CDH2: variants seen among roughly 807,000 people sequenced by gnomAD.
CDH2 encodes cadherin 2.
Under a neutral mutation model 92.0 loss-of-function variants are expected in CDH2, and 17 were observed. The ratio of observed to expected loss-of-function variants is 0.18; its 90% CI spans 0.13 to 0.28. The LOEUF (loss-of-function observed/expected upper bound fraction) is 0.28. Among genes scored for constraint, CDH2 ranks in the 10% least tolerant of loss-of-function variants. CDH2 has a pLI of 1.00. For missense variants in CDH2, 862 were observed against 1,133.1 expected, an observed-to-expected ratio of 0.76 and a Z score of 3.44; for synonymous variants, 419 against 415.9, an observed-to-expected ratio of 1.01 and a Z score of -0.09.
downstream of CDH2, among the ~76,000 whole-genome samples, chr18:27,948,697 C>T (rs1042271290): frequency 5.3e-5 from 8 of 151,832 alleles, no homozygotes; most frequent in Non-Finnish European, 2.9e-5. Flanking sequence ...CATTAGTAAT[C>T]AGAAAAGTCT....
intron 2 of CDH2, among the ~76,000 whole-genome samples, chr18:28,077,152 G>A (rs1465624395): frequency 6.6e-6 from 1 of 152,096 alleles, no homozygotes; most frequent in East Asian, 1.9e-4. Flanking sequence ...AATAGTTACT[G>A]TTGTCTGGAA....
At chr18:28,168,556 A>C (rs1363432133) in intron 1 of CDH2, 1 of 290,658 alleles carries the variant, frequency 3.4e-6, no homozygotes, top group Non-Finnish European at 5.1e-6. Context: ...TTCAGAAAGT[A>C]TTTTAAGTTC....
intron 2 of CDH2, among the ~76,000 whole-genome samples, chr18:28,074,827 A>G (rs1480263926): frequency 6.6e-6 from 1 of 152,064 alleles, no homozygotes; most frequent in East Asian, 1.9e-4. Flanking sequence ...AAATTCTGCC[A>G]TATTTCAGAA....
At chr18:27,938,225 C>A (rs904797025) in intron 6 of CDH2, among the ~76,000 whole-genome samples, 1 of 152,082 alleles carries the variant, frequency 6.6e-6, no homozygotes, top group African/African-American at 2.4e-5. Flanking sequence ...CAGATGCCAG[C>A]ATTATGCTTC....
downstream of CDH2, among the ~76,000 whole-genome samples, chr18:27,948,430 A>T (rs114532830): frequency 5.0e-3 from 764 of 152,064 alleles, 9 homozygotes; most frequent in African/African-American, 0.017. Context: ...TAATGGGAAC[A>T]ATACAGAATA....
chr18:28,005,343 G>A (rs1043929236), intron 6 of CDH2, among the ~76,000 whole-genome samples: 1 of 152,180 alleles, frequency 6.6e-6, no homozygotes, highest in African/African-American at 2.4e-5. Flanking sequence ...ACTGTCCTGT[G>A]GAGCTAGAGG....
At chr18:28,048,089 C>T (rs1048592026) in intron 2 of CDH2, among the ~76,000 whole-genome samples, 5 of 151,456 alleles carry the variant, frequency 3.3e-5, no homozygotes, top group Admixed American at 2.6e-4. Flanking sequence ...TTAATAAATA[C>T]AATGTCTCAG....
rs199984052 is a variant in CDH2, at chr18:27,985,182, T to A, written c.2027A>T (p.Tyr676Phe). 4.6e-5 allele frequency: 74 copies of A among 1,613,458 alleles called. No homozygotes were observed. Among genetic ancestry groups the A allele is most frequent in the Non-Finnish European group, 5.9e-5 (70 of 1,179,518 alleles). ...ATCTGTGATTATGATGGGAACTTCA[T>A]AGATACCAGCTTCAAGAAATTTTAT... The part of the protein sequence containing the change: ...LKIKFLEAGI[Y>F]EVPIIITDSG... Residue 676 changes from tyrosine to phenylalanine, a missense_variant, in exon 13 of 16, where the codon TAT becomes TTT. Around this residue, in one of 5 missense-constraint regions of CDH2, gnomAD observed 564 missense variants for 722.2 expected, o/e 0.78. Coordinates refer to ENST00000269141, the MANE Select transcript of CDH2 (RefSeq NM_001792.5).
At chr18:28,168,228 T>G (rs1201991672) in intron 1 of CDH2, among the ~76,000 whole-genome samples, 2 of 152,028 alleles carry the variant, frequency 1.3e-5, no homozygotes, top group Admixed American at 1.3e-4. Flanking sequence ...AAGTTACAAG[T>G]AAAATAGTTC....
chr18:28,041,904 AAATAT>A (rs1217078496), intron 2 of CDH2, among the ~76,000 whole-genome samples: 6 of 152,298 alleles, frequency 3.9e-5, no homozygotes, highest in Non-Finnish European at 8.8e-5. Flanking sequence ...GATTTCATTT[AAATAT>A]AATTTATTTA....
intron 4 of CDH2, 89 bp from the exon 5 acceptor site, chr18:28,009,961 C>G: frequency 3.1e-6 from 3 of 980,806 alleles, no homozygotes; most frequent in South Asian, 4.5e-5. Context: ...TGCCCTTTTT[C>G]AGCTACAAAC....
At chr18:28,079,267 C>T (rs963963440) in intron 2 of CDH2, among the ~76,000 whole-genome samples, 4 of 152,162 alleles carry the variant, frequency 2.6e-5, no homozygotes, top group Non-Finnish European at 5.9e-5. Flanking sequence ...CCCTTGCTCT[C>T]TAAACATTTT....
At chr18:28,124,907 C>T (rs531009101) in intron 2 of CDH2, among the ~76,000 whole-genome samples, 6 of 152,218 alleles carry the variant, frequency 3.9e-5, no homozygotes, top group African/African-American at 9.6e-5. Flanking sequence ...TCACATTTTA[C>T]GATAATTATT....
intron 1 of CDH2, 70 bp from the exon 2 acceptor site, chr18:28,147,854 C>G (rs765202338): frequency 2.3e-6 from 2 of 876,572 alleles, no homozygotes; most frequent in African/African-American, 3.4e-5. Context: ...AAACATTCCA[C>G]TTGGCATAAA....
intron 1 of CDH2, among the ~76,000 whole-genome samples, chr18:28,156,484 A>G (rs867004845): frequency 2.1e-4 from 15 of 72,434 alleles, no homozygotes; most frequent in East Asian, 8.5e-4. Flanking sequence ...CTTCCCAGGT[A>G]CAGAATGTCA....
intron 2 of CDH2, among the ~76,000 whole-genome samples, chr18:28,138,310 A>G (rs1355975984): frequency 1.3e-5 from 2 of 152,206 alleles, no homozygotes; most frequent in Non-Finnish European, 2.9e-5. Context: ...GTTTGTCTGA[A>G]AAAAACACCC....
intron 2 of CDH2, among the ~76,000 whole-genome samples, chr18:28,065,774 A>G (rs2014494613): frequency 6.6e-6 from 1 of 152,170 alleles, no homozygotes; most frequent in African/African-American, 2.4e-5. Context: ...AACATAACCA[A>G]TGATATCTGA....
At chr18:28,125,836 T>C (rs1282245761) in intron 2 of CDH2, among the ~76,000 whole-genome samples, 1 of 152,202 alleles carries the variant, frequency 6.6e-6, no homozygotes, top group Non-Finnish European at 1.5e-5. Flanking sequence ...TACTCCTGAT[T>C]ACAAAATGCG....
chr18:28,117,983 AT>A (rs1241443089), intron 2 of CDH2, among the ~76,000 whole-genome samples: 1 of 152,156 alleles, frequency 6.6e-6, no homozygotes, highest in African/African-American at 2.4e-5. Context: ...ATCTGACTTA[AT>A]TTATTAAAAA....
Sources: gnomAD v4.1 joint callset for allele counts (sites outside exome capture counted in the v4.1 genomes callset) on GRCh38, gnomAD v4.1.1 for gene constraint, gnomAD v4.1.1 regional missense constraint, MANE v1.5 for transcripts, NCBI Gene and HGNC (gene_info 2026-07-23, HGNC 2026-07-21) for gene names.